NALCN: variants seen among roughly 807,000 people sequenced by gnomAD.
NALCN encodes sodium leak channel NALCN.
NALCN carries 111 observed loss-of-function variants against 225.3 expected under a neutral mutation model. The ratio of observed to expected loss-of-function variants is 0.49; its 90% CI spans 0.42 to 0.58. The LOEUF (loss-of-function observed/expected upper bound fraction) is 0.58. NALCN is among the 20% of genes least tolerant of loss of function. The pLI, the probability that NALCN is intolerant of heterozygous loss-of-function variation, is 0.00. For missense variants in NALCN, 1,378 were observed against 2,202.4 expected (o/e 0.63, Z 7.49); for synonymous variants, 764 against 769.0 (o/e 0.99, Z 0.11).
chr13:101,390,051 C>T (rs371643731), intron 3 of NALCN, among the ~76,000 whole-genome samples: 126 of 152,114 alleles, frequency 8.3e-4, no homozygotes, highest in African/African-American at 2.8e-3. Context: ...CACTGTACTC[C>T]GGCCTGGGTG....
At chr13:101,372,306 A>G (rs1009186395) in intron 6 of NALCN, among the ~76,000 whole-genome samples, 1 of 152,224 alleles carries the variant, frequency 6.6e-6, no homozygotes, top group Non-Finnish European at 1.5e-5. Context: ...TTAAAAACCA[A>G]GAAGGATAGA....
intron 7 of NALCN, among the ~76,000 whole-genome samples, chr13:101,340,554 T>C (rs1002551112): frequency 1.8e-4 from 27 of 152,230 alleles, no homozygotes; most frequent in African/African-American, 6.0e-4. Context: ...AGTTGCTCTT[T>C]ACATTAACTG....
At chr13:101,229,189 T>C (rs1473392490) in intron 13 of NALCN, among the ~76,000 whole-genome samples, 1 of 152,178 alleles carries the variant, frequency 6.6e-6, no homozygotes, top group African/African-American at 2.4e-5. Flanking sequence ...TTAGAATTGA[T>C]ATATAATCTG....
chr13:101,266,287 C>G (rs1259452491), intron 10 of NALCN, among the ~76,000 whole-genome samples: 1 of 71,714 alleles, frequency 1.4e-5, no homozygotes, highest in African/African-American at 3.1e-5. Context: ...CATAAGAAAT[C>G]AGGTGGAAGA....
At chr13:101,181,220 C>A in intron 14 of NALCN, 1 of 518,720 alleles carries the variant, frequency 1.9e-6, no homozygotes, top group South Asian at 1.4e-5. Context: ...GTGGTGAGGG[C>A]CTGGTGAGTA....
At chr13:101,378,066 T>C (rs192316439) in intron 4 of NALCN, among the ~76,000 whole-genome samples, 62 of 152,224 alleles carry the variant, frequency 4.1e-4, no homozygotes, top group Non-Finnish European at 2.9e-4. Flanking sequence ...AATTTTTAAG[T>C]TCAATTTTTT....
chr13:101,280,132 C>T (rs947882050), intron 10 of NALCN, among the ~76,000 whole-genome samples: 3 of 152,132 alleles, frequency 2.0e-5, no homozygotes, highest in African/African-American at 7.2e-5. Flanking sequence ...ACAGCTCCTG[C>T]CCGGTACAAA....
chr13:101,103,454 G>T, intron 25 of NALCN, 115 bp from the exon 26 acceptor site: 4 of 1,259,294 alleles, frequency 3.2e-6, no homozygotes, highest in Middle Eastern at 2.0e-4. Context: ...CTCACTGGTT[G>T]TACGTGCCAT....
intron 15 of NALCN, among the ~76,000 whole-genome samples, chr13:101,151,519 A>G (rs192220643): frequency 2.0e-5 from 3 of 152,338 alleles, no homozygotes; most frequent in African/African-American, 7.2e-5. Flanking sequence ...ATGTAACTGT[A>G]GAATATTTTT....
chr13:101,264,331 T>C (rs2042528490), intron 10 of NALCN, among the ~76,000 whole-genome samples: 1 of 152,216 alleles, frequency 6.6e-6, no homozygotes, highest in Non-Finnish European at 1.5e-5. Context: ...TTACATTTTT[T>C]AAAAGCAGAG....
intron 7 of NALCN, among the ~76,000 whole-genome samples, chr13:101,308,683 T>C (rs960719949): frequency 1.4e-4 from 22 of 152,212 alleles, no homozygotes; most frequent in African/African-American, 3.9e-4. Context: ...CACAAGGATG[T>C]CTGTTTGGAA....
intron 13 of NALCN, among the ~76,000 whole-genome samples, chr13:101,222,439 C>T (rs9518341): frequency 0.27 from 41,070 of 152,050 alleles, 6,569 homozygotes; most frequent in Non-Finnish European, 0.37. Flanking sequence ...CTGACCAATA[C>T]TCATGCTCTG....
chr13:101,089,924 A>G lies in NALCN; in HGVS notation c.3312T>C (p.Ala1104=). The G allele has an allele frequency of 6.2e-7, 1 of 1,614,068 alleles. No individual in the cohort carries two copies. The highest frequency in any genetic ancestry group is 8.5e-7 in the Non-Finnish European group (1 of 1,179,916). ...AGAGAACTTCAAACAACGCCAGCAT[A>G]GCGTTTCCCACATTGTCGAAATTAA... ...RNFNFDNVGN[A]MLALFEVLSL... The change falls in exon 29 of 44, where the codon GCT becomes GCC. Residue 1104 remains alanine, a synonymous_variant. Transcript: ENST00000251127. This position sits in a 1 kb window ranked among gnomAD's most constrained non-coding sequence, Gnocchi z 4.7.
At chr13:101,136,638 C>T (rs1405189029) in intron 17 of NALCN, among the ~76,000 whole-genome samples, 1 of 152,178 alleles carries the variant, frequency 6.6e-6, no homozygotes, top group Non-Finnish European at 1.5e-5. Context: ...ATGAACTCAT[C>T]CTTTTTTATG....
chr13:101,415,204 C>CATATATATATATATATATAT (rs1566668976), intron 1 of NALCN, among the ~76,000 whole-genome samples: 6 of 30,540 alleles, frequency 2.0e-4, no homozygotes, highest in African/African-American at 1.0e-3. Flanking sequence ...ATACAAATCA[C>CATATATATATATATATATAT]ACACATATAT....
intron 9 of NALCN, among the ~76,000 whole-genome samples, chr13:101,285,448 C>A (rs76064028): frequency 3.0e-4 from 46 of 151,828 alleles, no homozygotes; most frequent in Non-Finnish European, 2.9e-5. Context: ...TACAGGCACC[C>A]GCCACAATGC....
intron 1 of NALCN, among the ~76,000 whole-genome samples, chr13:101,401,310 A>C (rs2047472194): frequency 6.6e-6 from 1 of 151,682 alleles, no homozygotes; most frequent in Non-Finnish European, 1.5e-5. Flanking sequence ...TCTCTGATGT[A>C]CTGGTAGTGG....
At chr13:101,146,685 T>C (rs976304622) in intron 15 of NALCN, among the ~76,000 whole-genome samples, 2 of 152,232 alleles carry the variant, frequency 1.3e-5, no homozygotes, top group Non-Finnish European at 2.9e-5. Flanking sequence ...TGTTAATTCA[T>C]GCATTTGCTG....
At chr13:101,146,719 C>T (rs997625730) in intron 15 of NALCN, among the ~76,000 whole-genome samples, 10 of 152,190 alleles carry the variant, frequency 6.6e-5, no homozygotes, top group African/African-American at 2.4e-4. Context: ...TACATTGATA[C>T]TGTCACTTAT....
Sources: gnomAD v4.1 joint callset for allele counts (sites outside exome capture counted in the v4.1 genomes callset) on GRCh38, gnomAD v4.1.1 for gene constraint, Gnocchi (gnomAD v3.1) non-coding constraint, MANE v1.5 for transcripts, NCBI Gene and HGNC (gene_info 2026-07-23, HGNC 2026-07-21) for gene names.